The following TMEM154 variants were observed in gnomAD, a reference collection of about 807,000 sequenced individuals.
TMEM154 encodes transmembrane protein 154.
Under a neutral mutation model 24.5 loss-of-function variants are expected in TMEM154, and 27 were observed. The observed-to-expected ratio is 1.10, with a 90% CI of 0.81 to 1.52. The LOEUF (loss-of-function observed/expected upper bound fraction) is 1.52. TMEM154 is among the 40% of genes most tolerant of loss of function. The pLI, the probability that TMEM154 is intolerant of heterozygous loss-of-function variation, is 0.00. For synonymous variants in TMEM154, 67 were observed against 76.8 expected (o/e 0.87, Z 0.67); for missense variants, 228 against 213.4 (o/e 1.07, Z -0.43).
chr4:152,641,055 A>T, intron 5 of TMEM154, 70 bp from the exon 6 acceptor site: 2 of 1,444,888 alleles, frequency 1.4e-6, no homozygotes, highest in Non-Finnish European at 1.9e-6. Context: ...AACCTGATAC[A>T]GTTAAATACC....
chr4:152,658,223 A>T (rs6841692), intron 1 of TMEM154, among the ~76,000 whole-genome samples: 88,355 of 151,816 alleles, frequency 0.58, 25,902 homozygotes, highest in Admixed American at 0.63. Context: ...GAAATTTTTT[A>T]AAAAAGGCTT....
At chr4:152,660,376 G>GC (rs139626360) in intron 1 of TMEM154, among the ~76,000 whole-genome samples, 4,087 of 149,458 alleles carry the variant, frequency 0.027, 158 homozygotes, top group African/African-American at 0.085. Flanking sequence ...TCCAGACCCC[G>GC]CCCCCCCCTC....
rs73863184 is a variant in TMEM154, at chr4:152,662,979, C to T, written c.65-10052G>A. Among the ~76,000 whole-genome samples, 1,253 of 152,314 alleles carry T rather than the reference C, an allele frequency of 8.2e-3. 18 individuals carry two copies. The highest frequency in any genetic ancestry group is 0.029 in the African/African-American group (1,191 of 41,560). On this transcript the variant is annotated intron_variant, in intron 1 of 6. Transcript: ENST00000304385. The stretch of plus-strand genomic sequence containing the variant: ...GAAGAGCTAGGCTTGAGACTGGCTG[C>T]TGCCCTCTGCACCCTTGGGGCCTGG...
chr4:152,653,138 A>C (rs1331606644), intron 1 of TMEM154, among the ~76,000 whole-genome samples: 1 of 152,190 alleles, frequency 6.6e-6, no homozygotes, highest in Non-Finnish European at 1.5e-5. Flanking sequence ...AGCTCAGAGA[A>C]AAACCTTGCA....
At chr4:152,643,013 A>G in intron 5 of TMEM154, 75 bp downstream of exon 5, 1 of 1,076,934 alleles carries the variant, frequency 9.3e-7, no homozygotes, top group East Asian at 2.4e-5. Context: ...GGATTTATTG[A>G]GATATTTATA....
intron 1 of TMEM154, among the ~76,000 whole-genome samples, chr4:152,661,278 TTCTCTTTCTCTCTCTC>T (rs1473440418): frequency 3.7e-4 from 24 of 65,744 alleles, no homozygotes; most frequent in African/African-American, 1.3e-3. Context: ...CAAGGGATTG[TTCTCTTTCTCTCTCTC>T]TCTCTCTCTC....
At chr4:152,678,141 T>TGGAAGGAGGTGCCACTG (rs1354281591) in intron 1 of TMEM154, among the ~76,000 whole-genome samples, 1 of 151,906 alleles carries the variant, frequency 6.6e-6, no homozygotes, top group Non-Finnish European at 1.5e-5. Flanking sequence ...GGACGACAAC[T>TGGAAGGAGGTGCCACTG]GGAAGGAGGT....
chr4:152,669,297 A>T (rs542692646), intron 1 of TMEM154: 19 of 152,296 alleles, frequency 1.2e-4, no homozygotes, highest in African/African-American at 4.6e-4. Flanking sequence ...CATGTCTATG[A>T]TGTTAGTGAT....
rs192804558 is a variant in TMEM154 at position 152,627,433 on chromosome 4, G to T, written c.*1113C>A. ...TTTAGAAAATTAAGGAATAAATGAA[G>T]AACAATTTTACTGGAGTAGGTGTGG... On this transcript the variant is annotated 3_prime_UTR_variant, in exon 7 of 7. Coordinates refer to ENST00000304385, the MANE Select transcript of TMEM154 (RefSeq NM_152680.3). The T allele has an allele frequency of 6.6e-6, 1 of 152,198 alleles. No individual in the cohort carries two copies. Among genetic ancestry groups the T allele is most frequent in the African/African-American group, 2.4e-5 (1 of 41,448 alleles). The allele number at this position is 152,198 out of a possible 1,614,324, so 9.4% of individuals were successfully genotyped here.
rs1442513205 is a variant in TMEM154, at chr4:152,627,668, G to A, written c.*878C>T. ...GATATTTCCTGCTCCTCTTCTGTTT[G>A]TTTCAAACCACCTTCAGGATCTCTG... On this transcript the variant is annotated 3_prime_UTR_variant, in exon 7 of 7. Coordinates refer to ENST00000304385, the MANE Select transcript of TMEM154 (RefSeq NM_152680.3). 3 of 152,194 alleles carry A rather than the reference G, an allele frequency of 2.0e-5. No individual in the cohort carries two copies. Among genetic ancestry groups the A allele is most frequent in the Admixed American group, 6.5e-5 (1 of 15,274 alleles). The allele number at this position is 152,194 out of a possible 1,614,324, so 9.4% of individuals were successfully genotyped here.
rs1561042688 is a variant in TMEM154, at chr4:152,628,600, A to AAAAAAAAAC, written c.537-40_537-39insGTTTTTTTT. The stretch of plus-strand genomic sequence containing the variant: ...AAAAAAAAAAAAAAAAAACAAAAAA[A>AAAAAAAAAC]ACACACACACACACACAAAACAGTA... On this transcript the variant is annotated intron_variant, in intron 6 of 6. Transcript: ENST00000304385. The AAAAAAAAAC allele has an allele frequency of 3.5e-5, 35 of 989,744 alleles. 1 individual carries two copies. Among genetic ancestry groups the AAAAAAAAAC allele is most frequent in the South Asian group, 6.3e-5 (4 of 63,306 alleles). 61.3% of individuals were successfully genotyped at this position (989,744 alleles called of 1,614,324 possible).
intron 1 of TMEM154, among the ~76,000 whole-genome samples, chr4:152,656,826 C>G (rs1267819572): frequency 6.6e-6 from 1 of 151,802 alleles, no homozygotes; most frequent in Non-Finnish European, 1.5e-5. Flanking sequence ...GAGGCTGAGG[C>G]AGGAGAATCG....
chr4:152,675,645 A>C (rs74799268), intron 1 of TMEM154, among the ~76,000 whole-genome samples: 2 of 152,122 alleles, frequency 1.3e-5, no homozygotes, highest in Non-Finnish European at 2.9e-5. Flanking sequence ...AAAAAAAAAA[A>C]CAAATTTTCT....
intron 1 of TMEM154, among the ~76,000 whole-genome samples, chr4:152,663,762 T>C (rs1393635533): frequency 2.0e-5 from 3 of 152,278 alleles, no homozygotes; most frequent in African/African-American, 7.2e-5. Context: ...CTTCACTTTA[T>C]TGTTTATCCA....
Position 152,622,684 on chromosome 4 carries a change from T to C in TMEM154, c.*5862A>G, listed in dbSNP as rs892785755. On this transcript the variant is annotated 3_prime_UTR_variant, in exon 7 of 7. Coordinates refer to ENST00000304385, the MANE Select transcript of TMEM154 (RefSeq NM_152680.3). ...AGAATAATTTATATATACATATGTATACTGACATTTATAAAATTGTAAATC... is the reference window on the plus strand; with the variant it reads ...AGAATAATTTATATATACATATGTACACTGACATTTATAAAATTGTAAATC... The C allele has an allele frequency of 3.3e-4, 51 of 152,324 alleles. No homozygotes were observed. The highest frequency in any genetic ancestry group is 9.6e-4 in the African/African-American group (40 of 41,580). 9.4% of individuals were successfully genotyped at this position (152,324 alleles called of 1,614,324 possible).
intron 1 of TMEM154, among the ~76,000 whole-genome samples, chr4:152,667,719 T>G (rs992420938): frequency 1.3e-5 from 2 of 152,228 alleles, no homozygotes; most frequent in East Asian, 1.9e-4. Flanking sequence ...GTATTTGAGA[T>G]CATCAAGCAA....
At chr4:152,631,042 T>G (rs1752030471) in intron 6 of TMEM154, among the ~76,000 whole-genome samples, 1 of 152,248 alleles carries the variant, frequency 6.6e-6, no homozygotes, top group African/African-American at 2.4e-5. Flanking sequence ...TTTTAATTTT[T>G]ATTTATTATA....
Position 152,661,284 on chromosome 4 carries a change from TTCTCTCTCTCTCTCTCTCTCTCTCTC to T in TMEM154, c.65-8383_65-8358del, listed in dbSNP as rs70949609. ...AATGAGAATCAAGGGATTGTTCTCT[TTCTCTCTCTCTCTCTCTCTCTCTCTC>T]TCTCTCTCTCTCTCTCTCTCTCTCT... On this transcript the variant is annotated intron_variant, in intron 1 of 6. Coordinates refer to ENST00000304385, the MANE Select transcript of TMEM154 (RefSeq NM_152680.3). Among the ~76,000 whole-genome samples the T allele has an allele frequency of 1.6e-3, 100 of 63,456 alleles. 2 individuals are homozygous for T. In the South Asian group the frequency reaches 0.028, roughly 18 times the overall value. 41.6% of individuals were successfully genotyped at this position (63,456 alleles called of 152,430 possible). A position where few individuals can be genotyped will look rare whatever the true frequency, so the allele number is the denominator to read the frequency against.
chr4:152,653,040 A>G (rs1465712762), intron 1 of TMEM154, 113 bp from the exon 2 acceptor site: 36 of 1,126,610 alleles, frequency 3.2e-5, no homozygotes, highest in Non-Finnish European at 4.3e-5. Flanking sequence ...TTGACCCACT[A>G]TACTTGGCCT....
Sources: gnomAD v4.1 joint callset for allele counts (sites outside exome capture counted in the v4.1 genomes callset) on GRCh38, gnomAD v4.1.1 for gene constraint, MANE v1.5 for transcripts, NCBI Gene and HGNC (gene_info 2026-07-23, HGNC 2026-07-21) for gene names.